The following ADAM7 variants were observed in gnomAD, a reference collection of about 807,000 sequenced individuals.
ADAM7 encodes ADAM metallopeptidase domain 7, also known as disintegrin and metalloproteinase domain-containing protein 7.
A neutral mutation model predicts 102.9 loss-of-function variants in ADAM7; 97 were observed. The ratio of observed to expected loss-of-function variants is 0.94; its 90% CI spans 0.80 to 1.12. The LOEUF (loss-of-function observed/expected upper bound fraction) is 1.12. ADAM7 is among the 50% of genes most tolerant of loss of function. ADAM7 has a pLI of 0.00. For synonymous variants in ADAM7, 334 were observed against 304.4 expected, an observed-to-expected ratio of 1.10 and a Z score of -1.01; for missense variants, 991 against 908.7, an observed-to-expected ratio of 1.09 and a Z score of -1.16.
At chr8:24,496,088 G>A (rs543802928) in intron 16 of ADAM7, among the ~76,000 whole-genome samples, 51 of 152,306 alleles carry the variant, frequency 3.3e-4, no homozygotes, top group Non-Finnish European at 5.9e-4. Flanking sequence ...GCAGTTTAGG[G>A]ACTTGGTGCC....
At chr8:24,494,884 C>G (rs548605399) in intron 16 of ADAM7, among the ~76,000 whole-genome samples, 3 of 152,264 alleles carry the variant, frequency 2.0e-5, no homozygotes, top group African/African-American at 7.2e-5. Context: ...TCCAACCAAA[C>G]AGCAGGGAAA....
At position 24,509,102 on chromosome 8, in the gene ADAM7, G is replaced by C. The variant is rs1461106549; in HGVS notation, c.*556G>C. ...GAATAGTGGACAGAACTGCAGGATA[G>C]TCCTTAAAATAATGGTGGTGGGAAA... is the stretch of plus-strand genomic sequence containing the variant. On this transcript the variant is annotated 3_prime_UTR_variant, in exon 22 of 22. Transcript: ENST00000175238. The C allele has an allele frequency of 1.0e-6, 1 of 985,528 alleles. No individual in the cohort carries two copies. The highest frequency in any genetic ancestry group is 1.2e-6 in the Non-Finnish European group (1 of 830,026). 61.0% of individuals were successfully genotyped at this position (985,528 alleles called of 1,614,324 possible).
At chr8:24,483,790 ATTTT>A (rs772247608) in intron 9 of ADAM7, among the ~76,000 whole-genome samples, 18 of 152,164 alleles carry the variant, frequency 1.2e-4, no homozygotes, top group Non-Finnish European at 2.4e-4. Context: ...TTATACATGT[ATTTT>A]TTAATACTTA....
intron 16 of ADAM7, 86 bp downstream of exon 16, chr8:24,493,315 G>T (rs1820433728): frequency 1.6e-6 from 2 of 1,265,140 alleles, no homozygotes; most frequent in South Asian, 4.0e-5. Context: ...CTTCCAAAGA[G>T]GTCTAGATAT....
chr8:24,478,431 T>G (rs1394125483), intron 8 of ADAM7, among the ~76,000 whole-genome samples: 3 of 152,194 alleles, frequency 2.0e-5, no homozygotes. Context: ...TTCACTGTTA[T>G]TCAACTCAGA....
At position 24,501,471 on chromosome 8, in the gene ADAM7, T is replaced by C. The variant is rs770298278; in HGVS notation, c.2109-6T>C. 8 of 1,598,862 alleles carry C rather than the reference T, an allele frequency of 5.0e-6. No homozygotes were observed. Among genetic ancestry groups the C allele is most frequent in the Middle Eastern group, 3.3e-4 (2 of 6,046 alleles). ...TAAATTAGTTGTTCAATTTCCTTCT[T>C]GACAGCCCACCTACAGAAACCCTGG... On this transcript the variant is annotated splice_region_variant and splice_polypyrimidine_tract_variant and intron_variant, in intron 19 of 21. Coordinates refer to ENST00000175238, the MANE Select transcript of ADAM7 (RefSeq NM_003817.4).
intron 7 of ADAM7, among the ~76,000 whole-genome samples, chr8:24,469,118 C>A (rs192151004): frequency 6.6e-6 from 1 of 152,182 alleles, no homozygotes; most frequent in East Asian, 1.9e-4. Flanking sequence ...AGTGGAAAAT[C>A]TCCAAGTACT....
intron 2 of ADAM7, among the ~76,000 whole-genome samples, chr8:24,446,840 C>CTATAT (rs917714106): frequency 2.7e-5 from 4 of 148,548 alleles, no homozygotes; most frequent in Non-Finnish European, 5.9e-5. Flanking sequence ...ATATAATATG[C>CTATAT]TATATTATAT....
rs778133691 is a variant in ADAM7 at position 24,442,564 on chromosome 8, T to C, written c.144T>C (p.Asp48=). ...AGCGAGATACTGGACACACCCATGATGATGACATACTGGTACAAGTTTTGA... is the reference window on the plus strand; with the variant it reads ...AGCGAGATACTGGACACACCCATGACGATGACATACTGGTACAAGTTTTGA... ...IQKRDTGHTH[D]DDILKTYEEE... Residue 48 remains aspartate (D), a synonymous_variant, in exon 2 of 22, where the codon GAT becomes GAC. Transcript: ENST00000175238. The C allele has an allele frequency of 1.2e-6, 2 of 1,613,592 alleles. No individual in the cohort carries two copies. Among genetic ancestry groups the C allele is most frequent in the Non-Finnish European group, 1.7e-6 (2 of 1,179,476 alleles).
intron 8 of ADAM7, among the ~76,000 whole-genome samples, chr8:24,480,343 G>A (rs774225221): frequency 5.9e-5 from 9 of 152,072 alleles, no homozygotes; most frequent in Non-Finnish European, 1.3e-4. Context: ...CGTGTGCCTG[G>A]CCATTGTATC....
At chr8:24,491,010 G>T (rs1378969521) in intron 13 of ADAM7, 122 bp downstream of exon 13, 7 of 900,832 alleles carry the variant, frequency 7.8e-6, no homozygotes, top group Non-Finnish European at 8.6e-6. Context: ...AGGCTTGCAA[G>T]TACCCAACAG....
intron 20 of ADAM7, among the ~76,000 whole-genome samples, chr8:24,505,585 C>T (rs7016710): frequency 0.72 from 109,785 of 151,918 alleles, 40,460 homozygotes; most frequent in African/African-American, 0.81. Flanking sequence ...GGGGGAGGTC[C>T]GTCTTTGGCG....
intron 3 of ADAM7, among the ~76,000 whole-genome samples, chr8:24,457,089 C>A (rs1443681968): frequency 2.0e-5 from 3 of 152,104 alleles, no homozygotes; most frequent in African/African-American, 7.2e-5. Flanking sequence ...AGAATACTAC[C>A]TGCTGTATGT....
At chr8:24,488,089 T>C (rs1489595401) in intron 11 of ADAM7, among the ~76,000 whole-genome samples, 4 of 152,236 alleles carry the variant, frequency 2.6e-5, no homozygotes, top group Non-Finnish European at 5.9e-5. Flanking sequence ...TTCTCTTTAG[T>C]ACTTATTACT....
At chr8:24,494,901 A>G (rs978371249) in intron 16 of ADAM7, among the ~76,000 whole-genome samples, 13 of 152,310 alleles carry the variant, frequency 8.5e-5, no homozygotes, top group African/African-American at 2.4e-4. Flanking sequence ...GAAAAATTCT[A>G]TGGTCTGACT....
intron 3 of ADAM7, among the ~76,000 whole-genome samples, chr8:24,450,955 T>C (rs1430222838): frequency 6.6e-6 from 1 of 152,210 alleles, no homozygotes; most frequent in Non-Finnish European, 1.5e-5. Flanking sequence ...ATTACATTTA[T>C]TGATTTGCGT....
intron 16 of ADAM7, among the ~76,000 whole-genome samples, 159 bp downstream of exon 16, chr8:24,493,388 A>G (rs568426930): frequency 6.6e-6 from 1 of 152,294 alleles, no homozygotes; most frequent in African/African-American, 2.4e-5. Flanking sequence ...ATAACACTGT[A>G]ATAAACATCC....
chr8:24,498,685 A>G (rs1820642505), intron 16 of ADAM7, among the ~76,000 whole-genome samples: 1 of 151,902 alleles, frequency 6.6e-6, no homozygotes, highest in African/African-American at 2.4e-5. Context: ...TAACATTTAA[A>G]AATTAAATAG....
rs756048293 is a variant in ADAM7, at chr8:24,489,352, A to G, written c.1266+19A>G. ...TGCTCAGGTATTTGCAAATGAAGCT[A>G]TCTTTAAATTGCAAAATTTATGATC... On this transcript the variant is annotated intron_variant, in intron 12 of 21. Coordinates refer to ENST00000175238, the MANE Select transcript of ADAM7 (RefSeq NM_003817.4). 6.3e-7 allele frequency: 1 copy of G among 1,590,748 alleles called. No individual in the cohort carries two copies. Among genetic ancestry groups the G allele is most frequent in the African/African-American group, 1.3e-5 (1 of 74,250 alleles).
Sources: gnomAD v4.1 joint callset for allele counts (sites outside exome capture counted in the v4.1 genomes callset) on GRCh38, gnomAD v4.1.1 for gene constraint, MANE v1.5 for transcripts, NCBI Gene and HGNC (gene_info 2026-07-23, HGNC 2026-07-21) for gene names.